The following LARGE1 variants were observed in gnomAD, a reference collection of about 807,000 sequenced individuals.
The protein encoded by LARGE1 is LARGE xylosyl- and glucuronyltransferase 1.
In LARGE1, 43 loss-of-function variants were observed where a neutral mutation model predicts 87.6. The observed-to-expected ratio is 0.49, with a 90% CI of 0.38 to 0.63. The LOEUF (loss-of-function observed/expected upper bound fraction) is 0.63, where lower values mean the gene tolerates loss of function less well. LARGE1 is among the 30% of genes least tolerant of loss of function. The probability of loss-of-function intolerance (pLI) is 0.00; values close to 1 mark genes in which losing one functional copy is unlikely to be tolerated. For synonymous variants in LARGE1, 434 were observed against 394.6 expected (o/e 1.10, Z -1.18); for missense variants, 802 against 1,000.2 (o/e 0.80, Z 2.67).
chr22:33,381,782 A>G lies in LARGE1; in HGVS notation c.1131+137T>C, dbSNP rs911109211. On this transcript the variant is annotated intron_variant, in intron 9 of 14. Transcript: ENST00000397394. ...AAACCAACACCCCACAAAGATGAAA[A>G]GCATACTCATTCTGCTCTCCTGTGC... 6.7e-6 allele frequency: 8 copies of G among 1,189,414 alleles called. No homozygotes were observed. In the Admixed American group the frequency reaches 1.3e-4, roughly 19 times the overall value. 73.7% of individuals were successfully genotyped at this position (1,189,414 alleles called of 1,614,324 possible). A position where few individuals can be genotyped will look rare whatever the true frequency, so the allele number is the denominator to read the frequency against.
chr22:33,477,077 T>C (rs1191800911), intron 6 of LARGE1, among the ~76,000 whole-genome samples: 1 of 152,208 alleles, frequency 6.6e-6, no homozygotes, highest in Non-Finnish European at 1.5e-5. Flanking sequence ...AGCTCAGAGC[T>C]GCGTGGCGGC....
At chr22:33,443,164 T>C (rs1439850375) in intron 6 of LARGE1, among the ~76,000 whole-genome samples, 1 of 152,158 alleles carries the variant, frequency 6.6e-6, no homozygotes, top group Non-Finnish European at 1.5e-5. Context: ...TATTTCTACC[T>C]TTCAGAAGGG....
At chr22:33,562,961 T>C (rs1020280622) in intron 6 of LARGE1, 2 of 152,196 alleles carry the variant, frequency 1.3e-5, no homozygotes, top group African/African-American at 4.8e-5. Flanking sequence ...ACAGCACCTA[T>C]GAAAGGGAAG....
intron 1 of LARGE1, among the ~76,000 whole-genome samples, chr22:33,900,067 T>C (rs1298463796): frequency 2.0e-5 from 3 of 152,176 alleles, no homozygotes; most frequent in African/African-American, 7.2e-5. Context: ...TGAACCTCTG[T>C]TGAATATCAA....
At chr22:33,746,561 C>G (rs2084091735) in intron 2 of LARGE1, 1 of 152,212 alleles carries the variant, frequency 6.6e-6, no homozygotes, top group African/African-American at 2.4e-5. Context: ...CCCAATGGCA[C>G]TGGCACTTTG....
At chr22:33,260,794 C>A (rs1318017425) in intron 11 of LARGE1, among the ~76,000 whole-genome samples, 3 of 152,144 alleles carry the variant, frequency 2.0e-5, no homozygotes, top group Non-Finnish European at 4.4e-5. Flanking sequence ...CCAACCAGAG[C>A]GTTTTATTTT....
chr22:33,846,664 C>G (rs569146750), intron 1 of LARGE1, among the ~76,000 whole-genome samples: 1 of 152,212 alleles, frequency 6.6e-6, no homozygotes, highest in South Asian at 2.1e-4. Context: ...GAACATCCCT[C>G]GGAAAGAGAA....
At chr22:33,167,065 T>C (rs1191826390) in intron 11 of LARGE1, among the ~76,000 whole-genome samples, 1 of 152,208 alleles carries the variant, frequency 6.6e-6, no homozygotes, top group Non-Finnish European at 1.5e-5. Context: ...GCAGTAAAGA[T>C]TAATAATCCA....
chr22:33,595,415 G>A (rs1459956927), intron 5 of LARGE1, among the ~76,000 whole-genome samples: 1 of 152,152 alleles, frequency 6.6e-6, no homozygotes, highest in Non-Finnish European at 1.5e-5. Context: ...TGTCACATAT[G>A]CAGATCTAGA....
intron 6 of LARGE1, among the ~76,000 whole-genome samples, chr22:33,515,680 G>A (rs2071271240): frequency 1.3e-5 from 2 of 152,184 alleles, no homozygotes; most frequent in African/African-American, 2.4e-5. Context: ...AGGCAGGGGA[G>A]GCAGTAGTCC....
chr22:33,506,598 T>C (rs2070778153), intron 6 of LARGE1, among the ~76,000 whole-genome samples: 1 of 152,192 alleles, frequency 6.6e-6, no homozygotes, highest in Admixed American at 6.5e-5. Context: ...TGCCCACCTC[T>C]TCTTAAAACT....
At chr22:33,663,764 A>T (rs978505724) in intron 2 of LARGE1, among the ~76,000 whole-genome samples, 14 of 152,196 alleles carry the variant, frequency 9.2e-5, no homozygotes, top group African/African-American at 3.4e-4. Context: ...CAGTGGACCA[A>T]CGATCTTCAC....
At chr22:33,321,244 G>C (rs576401133) in intron 10 of LARGE1, among the ~76,000 whole-genome samples, 1 of 152,368 alleles carries the variant, frequency 6.6e-6, no homozygotes, top group Non-Finnish European at 1.5e-5. Context: ...CTGGGCCCCT[G>C]AAGACACCTA....
chr22:33,780,165 C>T (rs917285004), intron 1 of LARGE1, among the ~76,000 whole-genome samples: 4 of 152,234 alleles, frequency 2.6e-5, no homozygotes, highest in Admixed American at 1.3e-4. Context: ...CTTCCCGTTA[C>T]AAGGACGCTG....
chr22:33,282,617 A>G (rs1412096464), intron 13 of LARGE1, among the ~76,000 whole-genome samples: 1 of 152,176 alleles, frequency 6.6e-6, no homozygotes, highest in East Asian at 1.9e-4. Flanking sequence ...CTGGGAAAAA[A>G]GGAAAATCAG....
At chr22:33,657,828 T>G (rs1193771809) in intron 2 of LARGE1, among the ~76,000 whole-genome samples, 1 of 152,188 alleles carries the variant, frequency 6.6e-6, no homozygotes, top group African/African-American at 2.4e-5. Context: ...AAACACTTGG[T>G]CAGTTCCCCC....
At chr22:33,757,657 AAC>A (rs2084568831) in intron 2 of LARGE1, among the ~76,000 whole-genome samples, 1 of 152,172 alleles carries the variant, frequency 6.6e-6, no homozygotes, top group Non-Finnish European at 1.5e-5. Context: ...ATTGATATTA[AAC>A]AGAGTCAAAA....
intron 6 of LARGE1, among the ~76,000 whole-genome samples, chr22:33,490,995 C>A (rs1183594102): frequency 6.6e-6 from 1 of 152,154 alleles, no homozygotes; most frequent in Non-Finnish European, 1.5e-5. Context: ...AGCAGCCCAG[C>A]CAGACAAACC....
intron 8 of LARGE1, among the ~76,000 whole-genome samples, chr22:33,383,333 G>A (rs541631461): frequency 1.3e-5 from 2 of 152,280 alleles, no homozygotes; most frequent in African/African-American, 4.8e-5. Context: ...GCTGAGGCAG[G>A]CGGATCATCT....
Sources: allele counts gnomAD v4.1 joint callset (sites outside exome capture counted in the v4.1 genomes callset), GRCh38; gene constraint gnomAD v4.1.1; transcripts MANE v1.5; gene names NCBI Gene and HGNC (gene_info 2026-07-23, HGNC 2026-07-21).